The following L3MBTL4 variants were observed in gnomAD, a reference collection of about 807,000 sequenced individuals.
The protein encoded by L3MBTL4 is L3MBTL histone methyl-lysine binding protein 4, also known as lethal(3)malignant brain tumor-like protein 4.
L3MBTL4 carries 70 observed loss-of-function variants against 84.5 expected under a neutral mutation model. The ratio of observed to expected loss-of-function variants is 0.83; its 90% CI spans 0.68 to 1.01. L3MBTL4 has a LOEUF of 1.01. Ranked by LOEUF, L3MBTL4 falls within the 50% of genes least tolerant of loss-of-function variation. L3MBTL4 has a pLI of 0.00. For synonymous variants in L3MBTL4, 274 were observed against 259.8 expected (o/e 1.05, Z -0.52); for missense variants, 715 against 754.8 (o/e 0.95, Z 0.62).
At chr18:6,311,204 C>A (rs1186525293) in intron 3 of L3MBTL4, among the ~76,000 whole-genome samples, 1 of 152,106 alleles carries the variant, frequency 6.6e-6, no homozygotes, top group Non-Finnish European at 1.5e-5. Flanking sequence ...ATATCACACA[C>A]ATATACACAT....
chr18:6,135,112 G>T (rs1301826226), intron 14 of L3MBTL4, among the ~76,000 whole-genome samples: 1 of 152,174 alleles, frequency 6.6e-6, no homozygotes, highest in African/African-American at 2.4e-5. Context: ...CCAAGGCTTG[G>T]GACTTCCACC....
intron 1 of L3MBTL4, among the ~76,000 whole-genome samples, chr18:6,345,086 T>C (rs562562108): frequency 1.3e-5 from 2 of 151,896 alleles, no homozygotes; most frequent in East Asian, 3.9e-4. Flanking sequence ...TAGAAAACCA[T>C]AGGCCAGGCA....
chr18:6,314,817 T>G (rs2051011412), intron 1 of L3MBTL4, among the ~76,000 whole-genome samples: 1 of 152,198 alleles, frequency 6.6e-6, no homozygotes, highest in African/African-American at 2.4e-5. Flanking sequence ...CAAAAACATT[T>G]TAATGATCAT....
intron 12 of L3MBTL4, among the ~76,000 whole-genome samples, chr18:6,175,772 A>G (rs1285320649): frequency 6.6e-6 from 1 of 152,198 alleles, no homozygotes; most frequent in Admixed American, 6.5e-5. Context: ...ATCAAGAATA[A>G]GGCAAGTTTA....
chr18:6,013,625 A>C (rs2054833563), intron 16 of L3MBTL4, among the ~76,000 whole-genome samples: 3 of 152,158 alleles, frequency 2.0e-5, no homozygotes, highest in African/African-American at 4.8e-5. Flanking sequence ...GACTGGTCCA[A>C]CGTCCCTGCC....
chr18:6,227,775 G>A (rs1268136261), intron 10 of L3MBTL4, among the ~76,000 whole-genome samples: 3 of 152,026 alleles, frequency 2.0e-5, no homozygotes, highest in Non-Finnish European at 4.4e-5. Flanking sequence ...GGGCTCAAGC[G>A]ATCCTCCCAC....
intron 13 of L3MBTL4, among the ~76,000 whole-genome samples, chr18:6,170,514 T>G (rs978085840): frequency 6.6e-6 from 1 of 152,146 alleles, no homozygotes; most frequent in African/African-American, 2.4e-5. Context: ...GAGCAAGTTT[T>G]TGGCTTGGGA....
intron 16 of L3MBTL4, among the ~76,000 whole-genome samples, chr18:6,036,980 C>T (rs79087748): frequency 8.6e-5 from 13 of 152,002 alleles, no homozygotes; most frequent in South Asian, 2.1e-4. Flanking sequence ...AGAAAAATGA[C>T]GGGAAGGGGG....
At chr18:6,270,049 G>A (rs982907887) in intron 4 of L3MBTL4, among the ~76,000 whole-genome samples, 5 of 152,206 alleles carry the variant, frequency 3.3e-5, no homozygotes, top group East Asian at 1.9e-4. Context: ...TATGCTGCAC[G>A]TGACTTCATC....
chr18:6,101,204 C>T (rs190322958), intron 14 of L3MBTL4, among the ~76,000 whole-genome samples: 14 of 152,194 alleles, frequency 9.2e-5, no homozygotes, highest in Admixed American at 2.6e-4. Flanking sequence ...CCAGGTTTTC[C>T]GCTTCTCCAA....
intron 10 of L3MBTL4, 29 bp downstream of exon 10, chr18:6,237,930 ATGACT>A (rs1278314441): frequency 6.5e-7 from 1 of 1,545,642 alleles, no homozygotes; most frequent in East Asian, 2.2e-5. Context: ...TCACACAGAG[ATGACT>A]TCAAAGAAAA....
At chr18:6,127,670 T>C (rs139609225) in intron 14 of L3MBTL4, among the ~76,000 whole-genome samples, 41 of 152,250 alleles carry the variant, frequency 2.7e-4, no homozygotes, top group East Asian at 9.7e-4. Flanking sequence ...TTTTTGAAGA[T>C]AGAAAACAGA....
chr18:6,037,754 A>G (rs543093302), intron 16 of L3MBTL4, among the ~76,000 whole-genome samples: 1 of 152,370 alleles, frequency 6.6e-6, no homozygotes, highest in South Asian at 2.1e-4. Context: ...CTCTGTTAAC[A>G]CAGGCTTAAA....
At chr18:6,307,051 C>T (rs1568466684) in intron 3 of L3MBTL4, among the ~76,000 whole-genome samples, 1 of 152,146 alleles carries the variant, frequency 6.6e-6, no homozygotes, top group Admixed American at 6.5e-5. Context: ...GCTCATGCTG[C>T]CTCCTTAAGG....
intron 17 of L3MBTL4, among the ~76,000 whole-genome samples, chr18:5,964,663 G>A (rs972496920): frequency 2.6e-5 from 4 of 152,168 alleles, no homozygotes; most frequent in African/African-American, 9.7e-5. Context: ...CTTGGTTGAG[G>A]CTAGGGCAAT....
chr18:6,412,660 A>G (rs572668982), intron 1 of L3MBTL4, among the ~76,000 whole-genome samples: 2 of 152,262 alleles, frequency 1.3e-5, no homozygotes, highest in African/African-American at 4.8e-5. Context: ...GCCTCTGCTC[A>G]GCAGTTGTCT....
intron 1 of L3MBTL4, among the ~76,000 whole-genome samples, chr18:6,371,056 GT>G: frequency 6.6e-6 from 1 of 152,086 alleles, no homozygotes; most frequent in East Asian, 1.9e-4. Flanking sequence ...GTTTTGTTTT[GT>G]TTTTTTAAAG....
intron 12 of L3MBTL4, among the ~76,000 whole-genome samples, chr18:6,175,206 G>A (rs1180176410): frequency 2.0e-5 from 3 of 152,124 alleles, no homozygotes; most frequent in African/African-American, 7.2e-5. Context: ...ATTGCAAAGA[G>A]CAGAGCCACG....
rs1477679571 is a variant in L3MBTL4 at position 5,969,437 on chromosome 18, C to T, written c.1570G>A (p.Ala524Thr). The change falls in exon 17 of 19, where the codon GCT (alanine) becomes ACT (threonine). Residue 524 changes from alanine (A) to threonine (T), a missense_variant. By Grantham distance (58) the Ala-to-Thr change is moderately conservative. Transcript: ENST00000317931. ...EQHCKLLPGV[A>T]DIRASQVARW... is the part of the protein sequence containing the mutation. ...GCCACTTGGCTGGCCCGGATGTCAG[C>T]CACGCCTGGAAGCAACTTGCAGTGT... The T allele has an allele frequency of 6.2e-7, 1 of 1,613,870 alleles. No individual in the cohort carries two copies.
Sources: allele counts gnomAD v4.1 joint callset (sites outside exome capture counted in the v4.1 genomes callset), GRCh38; gene constraint gnomAD v4.1.1; transcripts MANE v1.5; gene names NCBI Gene and HGNC (gene_info 2026-07-23, HGNC 2026-07-21).